Variants in TMCC2 observed in about 807,000 individuals in gnomAD.
TMCC2 encodes transmembrane and coiled-coil domains protein 2.
A neutral mutation model predicts 49.4 loss-of-function variants in TMCC2; 16 were observed. The ratio of observed to expected loss-of-function variants is 0.32; its 90% CI spans 0.22 to 0.49. The LOEUF is 0.49. Ranked by LOEUF, TMCC2 falls within the 20% of genes least tolerant of loss-of-function variation. The pLI, the probability that TMCC2 is intolerant of heterozygous loss-of-function variation, is 0.99. For missense variants in TMCC2, 762 were observed against 989.8 expected, an observed-to-expected ratio of 0.77 and a Z score of 3.09; for synonymous variants, 397 against 434.1, an observed-to-expected ratio of 0.91 and a Z score of 1.06.
At chr1:205,230,079 A>G (rs1659731855) in intron 1 of TMCC2, 16 of 985,452 alleles carry the variant, frequency 1.6e-5, no homozygotes, top group Non-Finnish European at 1.8e-5. Flanking sequence ...CCTATATCCT[A>G]TGGCAGCAGC....
At chr1:205,228,928 G>A (rs1659671781) in intron 1 of TMCC2, 157 bp downstream of exon 1, 1 of 1,427,618 alleles carries the variant, frequency 7.0e-7, no homozygotes, top group Non-Finnish European at 9.1e-7. Context: ...GGGGACGTCA[G>A]GTACCATTTA....
intron 2 of TMCC2, among the ~76,000 whole-genome samples, chr1:205,266,146 CAGG>C (rs1292138400): frequency 1.3e-5 from 2 of 149,008 alleles, no homozygotes; most frequent in African/African-American, 5.0e-5. Context: ...GAGGCCGAGG[CAGG>C]AGAATGGCGT....
chr1:205,252,169 C>A (rs2102570015), intron 2 of TMCC2, among the ~76,000 whole-genome samples: 1 of 152,316 alleles, frequency 6.6e-6, no homozygotes, highest in South Asian at 2.1e-4. Context: ...TGGTTCTGTT[C>A]ACTGCCCAAC....
intron 2 of TMCC2, among the ~76,000 whole-genome samples, chr1:205,261,948 T>C (rs751137880): frequency 1.3e-5 from 2 of 152,220 alleles, no homozygotes; most frequent in Non-Finnish European, 2.9e-5. Context: ...CCCTCTGTCC[T>C]GTTCCAGCAC....
At chr1:205,246,751 C>A in intron 2 of TMCC2, 1 of 1,505,048 alleles carries the variant, frequency 6.6e-7, no homozygotes, top group South Asian at 1.2e-5. Flanking sequence ...GCAGGAGTCT[C>A]TGGTATGCAG....
Position 205,241,899 on chromosome 1 carries a change from C to A in TMCC2, c.602C>A (p.Ala201Asp), listed in dbSNP as rs1359612102. ...GGCAGCCCTCACCTGCTGCGCAAGG[C>A]CCCCCAGGACAGCAGCCTGGCCGCC... ...QRGSPHLLRK[A>D]PQDSSLAAIL... Residue 201 changes from alanine (A) to aspartate (D), a missense_variant, in exon 2 of 5, where the codon GCC (alanine) becomes GAC (aspartate). Ala to Asp is a moderately radical substitution (Grantham distance 126). Around this residue, in one of 2 missense-constraint regions of TMCC2, gnomAD observed 322 missense variants for 353.1 expected, o/e 0.91. Transcript: ENST00000358024. The surrounding 1 kb of genome is among the most constrained non-coding windows in gnomAD (Gnocchi z 7.3). 5.6e-6 allele frequency: 9 copies of A among 1,608,142 alleles called. No homozygotes were observed. Among genetic ancestry groups the A allele is most frequent in the Non-Finnish European group, 6.8e-6 (8 of 1,178,780 alleles).
Position 205,229,153 on chromosome 1 carries a change from TTGTGTGTGTGTGTGTG to T in TMCC2, c.207+412_207+427del, listed in dbSNP as rs56153352. The T allele has an allele frequency of 5.0e-3, 2,712 of 541,026 alleles. 34 individuals are homozygous for T. Among genetic ancestry groups the T allele is most frequent in the African/African-American group, 0.041 (1,852 of 45,392 alleles). The allele number at this position is 541,026 out of a possible 1,614,324, so 33.5% of individuals were successfully genotyped here. On this transcript the variant is annotated intron_variant, in intron 1 of 4. Coordinates refer to ENST00000358024, the MANE Select transcript of TMCC2 (RefSeq NM_014858.4). ...AGTAAGTCTCTACCCATTGGGATCTTTGTGTGTGTGTGTGTGTGTGTGTGTGTGTGTGTGTGTGTGT... is the reference window on the plus strand; with the variant it reads ...AGTAAGTCTCTACCCATTGGGATCTTTGTGTGTGTGTGTGTGTGTGTGTGT...
chr1:205,251,172 C>T (rs1251747874), intron 2 of TMCC2, among the ~76,000 whole-genome samples: 7 of 152,336 alleles, frequency 4.6e-5, no homozygotes, highest in Non-Finnish European at 8.8e-5. Context: ...TGTACACACC[C>T]TATTGCATTC....
chr1:205,269,563 C>G lies in TMCC2; in HGVS notation c.1361C>G (p.Pro454Arg), dbSNP rs540895946. The change falls in exon 3 of 5, where the codon CCT becomes CGT. Residue 454 changes from proline (P) to arginine (R), a missense_variant. By Grantham distance (103) the Pro-to-Arg change is moderately radical. Transcript: ENST00000358024. ...HLKDPLEDGP[P>R]EEAARALSGS... Reference sequence around the variant, plus strand: ...AAGGACCCCCTGGAAGATGGGCCCCCTGAGGAGGCAGCCCGGGCACTGAGC... The same window carrying G: ...AAGGACCCCCTGGAAGATGGGCCCCGTGAGGAGGCAGCCCGGGCACTGAGC... 1 of 1,613,894 alleles carries G rather than the reference C, an allele frequency of 6.2e-7. No homozygotes were observed. Among genetic ancestry groups the G allele is most frequent in the African/African-American group, 1.3e-5 (1 of 75,062 alleles).
rs866973104 is a variant in TMCC2 at position 205,227,965 on chromosome 1, G to T, written c.-600G>T. Among the ~76,000 whole-genome samples the T allele has an allele frequency of 1.2e-4, 18 of 150,830 alleles. No homozygotes were observed. The highest frequency in any genetic ancestry group is 3.9e-4 in the African/African-American group (16 of 41,292). ...TAGGTTGCGCGCTCGCCGCGGGCTCGGGCCGCGGTCGCGGCTTTGCGGCAG... is the reference window on the plus strand; with the variant it reads ...TAGGTTGCGCGCTCGCCGCGGGCTCTGGCCGCGGTCGCGGCTTTGCGGCAG... On this transcript the variant is annotated 5_prime_UTR_variant, in exon 1 of 5. Coordinates refer to ENST00000358024, the MANE Select transcript of TMCC2 (RefSeq NM_014858.4).
chr1:205,268,840 G>T, intron 2 of TMCC2, 110 bp from the exon 3 acceptor site: 1 of 1,038,574 alleles, frequency 9.6e-7, no homozygotes, highest in Non-Finnish European at 1.4e-6. Flanking sequence ...GTCTTCTTTT[G>T]GACTCCTGCA....
intron 2 of TMCC2, among the ~76,000 whole-genome samples, chr1:205,258,502 C>T (rs1342520265): frequency 1.3e-5 from 2 of 152,174 alleles, no homozygotes; most frequent in Non-Finnish European, 2.9e-5. Flanking sequence ...TAGGCTCTTT[C>T]TCCACCCCCA....
chr1:205,251,113 T>C (rs1172155), intron 2 of TMCC2, among the ~76,000 whole-genome samples: 124,748 of 152,180 alleles, frequency 0.82, 51,957 homozygotes, highest in East Asian at 0.97. Context: ...TCTCTGTATA[T>C]CCCACAGAGC....
chr1:205,254,066 G>A (rs762563803), intron 2 of TMCC2, among the ~76,000 whole-genome samples: 1 of 152,172 alleles, frequency 6.6e-6, no homozygotes, highest in Non-Finnish European at 1.5e-5. Flanking sequence ...CCTCGTCCAA[G>A]CTGCTGCTTT....
chr1:205,271,509 A>T (rs1287476643), intron 4 of TMCC2, among the ~76,000 whole-genome samples: 2 of 152,218 alleles, frequency 1.3e-5, no homozygotes, highest in Non-Finnish European at 2.9e-5. Context: ...CACCTCTTTG[A>T]TGGCAGCTTC....
At chr1:205,229,664 G>C (rs765470505) in intron 1 of TMCC2, 12 of 985,048 alleles carry the variant, frequency 1.2e-5, no homozygotes, top group Non-Finnish European at 1.4e-5. Flanking sequence ...CAACCCCCAG[G>C]GTGGAGAACT....
chr1:205,261,052 T>G (rs950837913), intron 2 of TMCC2, among the ~76,000 whole-genome samples: 2 of 152,124 alleles, frequency 1.3e-5, no homozygotes, highest in Admixed American at 6.5e-5. Flanking sequence ...TATCTAGGAG[T>G]GGAATTGCTG....
intron 3 of TMCC2, among the ~76,000 whole-genome samples, chr1:205,270,149 C>G (rs556512758): frequency 6.6e-6 from 1 of 152,082 alleles, no homozygotes; most frequent in Non-Finnish European, 1.5e-5. Flanking sequence ...TGGGTTCAAG[C>G]GATTCTCCTG....
intron 1 of TMCC2, among the ~76,000 whole-genome samples, chr1:205,235,974 CAGG>C (rs1455790489): frequency 6.7e-6 from 1 of 149,708 alleles, no homozygotes; most frequent in Admixed American, 6.8e-5. Flanking sequence ...GAGGCTGAGG[CAGG>C]AGATTTGCTT....
Sources: allele counts gnomAD v4.1 joint callset (sites outside exome capture counted in the v4.1 genomes callset), GRCh38; gene constraint gnomAD v4.1.1; regional missense constraint gnomAD v4.1.1; non-coding constraint Gnocchi (gnomAD v3.1); transcripts MANE v1.5; gene names NCBI Gene and HGNC (gene_info 2026-07-23, HGNC 2026-07-21).